IMMP2L: variants seen among roughly 807,000 people sequenced by gnomAD.
IMMP2L encodes mitochondrial inner membrane protease subunit 2.
IMMP2L carries 18 observed loss-of-function variants against 19.3 expected under a neutral mutation model. The observed-to-expected ratio is 0.93, with a 90% CI of 0.64 to 1.38. The LOEUF (loss-of-function observed/expected upper bound fraction) is 1.38. Ranked by LOEUF, IMMP2L falls within the 40% of genes most tolerant of loss-of-function variation. The pLI is 0.00. For missense variants in IMMP2L, 233 were observed against 218.2 expected (o/e 1.07, Z -0.43); for synonymous variants, 76 against 73.0 (o/e 1.04, Z -0.21).
At chr7:111,531,563 CA>C in intron 1 of IMMP2L, among the ~76,000 whole-genome samples, 1 of 152,224 alleles carries the variant, frequency 6.6e-6, no homozygotes, top group East Asian at 1.9e-4. Context: ...TAGCTTTTTA[CA>C]GGAGAAAAAT....
Position 110,870,572 on chromosome 7 carries a change from A to G in IMMP2L, c.408+16021T>C, listed in dbSNP as rs1301363524. 6.6e-6 allele frequency among the ~76,000 whole-genome samples: 1 copy of G among 152,108 alleles called. No homozygotes were observed. The highest frequency in any genetic ancestry group is 1.5e-5 in the Non-Finnish European group (1 of 68,002). On this transcript the variant is annotated intron_variant, in intron 5 of 5. Coordinates refer to ENST00000405709, the MANE Select transcript of IMMP2L (RefSeq NM_032549.4). The surrounding 1 kb of genome is among the most constrained non-coding windows in gnomAD (Gnocchi z 4.2). ...TGTGAGTGTGTGTGTGTGCACGCGC[A>G]TGTGTGCGTGTGTTCCATTTTGTTA...
At chr7:111,208,210 A>G (rs368490293) in intron 3 of IMMP2L, among the ~76,000 whole-genome samples, 3 of 152,294 alleles carry the variant, frequency 2.0e-5, no homozygotes, top group East Asian at 3.9e-4. Context: ...ATATGTTGCT[A>G]TTTTAACAAC....
intron 3 of IMMP2L, among the ~76,000 whole-genome samples, chr7:111,133,658 C>T (rs1425164371): frequency 1.3e-5 from 2 of 151,936 alleles, no homozygotes; most frequent in African/African-American, 4.8e-5. Context: ...TATAAGGGTA[C>T]AAAGATTCGT....
At chr7:111,228,966 C>CGTGTGT (rs10530563) in intron 3 of IMMP2L, among the ~76,000 whole-genome samples, 79 of 144,050 alleles carry the variant, frequency 5.5e-4, no homozygotes, top group African/African-American at 9.7e-4. Flanking sequence ...ACTAGCAATG[C>CGTGTGT]GTGTGTGTGT....
chr7:111,391,740 C>T, intron 3 of IMMP2L: 1 of 586,240 alleles, frequency 1.7e-6, no homozygotes. Context: ...CAGCCTTATA[C>T]AATCAGAAAA....
chr7:111,242,079 T>G (rs1815128482), intron 3 of IMMP2L, among the ~76,000 whole-genome samples: 1 of 152,092 alleles, frequency 6.6e-6, no homozygotes, highest in Non-Finnish European at 1.5e-5. Flanking sequence ...TAGAAGTGAT[T>G]TTTTTAATGA....
intron 3 of IMMP2L, among the ~76,000 whole-genome samples, chr7:110,966,834 C>T (rs1761028196): frequency 6.6e-6 from 1 of 152,008 alleles, no homozygotes; most frequent in Admixed American, 6.6e-5. Context: ...TACAGATTTA[C>T]ATCATGAAAC....
intron 3 of IMMP2L, among the ~76,000 whole-genome samples, chr7:110,992,623 T>C (rs1822597932): frequency 6.6e-6 from 1 of 151,678 alleles, no homozygotes; most frequent in Non-Finnish European, 1.5e-5. Flanking sequence ...AAAATATTTA[T>C]ATAAATATAA....
intron 3 of IMMP2L, among the ~76,000 whole-genome samples, chr7:111,003,455 A>C (rs140780795): frequency 6.6e-6 from 1 of 152,182 alleles, no homozygotes; most frequent in Non-Finnish European, 1.5e-5. Flanking sequence ...AAAGTACTAC[A>C]CGAATAAAAA....
chr7:111,410,518 T>C (rs1389137075), intron 3 of IMMP2L, among the ~76,000 whole-genome samples: 3 of 149,522 alleles, frequency 2.0e-5, no homozygotes, highest in Non-Finnish European at 4.4e-5. Flanking sequence ...TGCCTAACAG[T>C]GAAAAAAAAA....
chr7:110,828,599 A>G (rs779326099), intron 5 of IMMP2L, among the ~76,000 whole-genome samples: 8 of 152,304 alleles, frequency 5.3e-5, no homozygotes, highest in Non-Finnish European at 1.2e-4. Context: ...CTGGCAAAAA[A>G]TAAATGTGAC....
intron 5 of IMMP2L, among the ~76,000 whole-genome samples, chr7:110,681,053 T>TA (rs56082024): frequency 0.036 from 5,218 of 146,924 alleles, 296 homozygotes; most frequent in African/African-American, 0.12. Context: ...TAGTAAGGAT[T>TA]AAAAAAAAAA....
At chr7:111,437,144 C>A (rs1051217017) in intron 3 of IMMP2L, among the ~76,000 whole-genome samples, 2 of 151,640 alleles carry the variant, frequency 1.3e-5, no homozygotes, top group South Asian at 2.1e-4. Flanking sequence ...CAAAATATAT[C>A]TTTAAAAAAA....
intron 5 of IMMP2L, among the ~76,000 whole-genome samples, chr7:110,705,810 G>T (rs1017601302): frequency 1.2e-4 from 18 of 151,916 alleles, no homozygotes; most frequent in African/African-American, 3.9e-4. Flanking sequence ...GTGAGAACAG[G>T]CGATATTTGG....
At chr7:111,451,365 T>C (rs1325601169) in intron 3 of IMMP2L, among the ~76,000 whole-genome samples, 2 of 150,942 alleles carry the variant, frequency 1.3e-5, no homozygotes, top group South Asian at 2.1e-4. Flanking sequence ...ATATACACCA[T>C]GGAATACTAT....
At chr7:111,506,105 C>T (rs997549939) in intron 2 of IMMP2L, among the ~76,000 whole-genome samples, 3 of 151,614 alleles carry the variant, frequency 2.0e-5, no homozygotes, top group African/African-American at 7.3e-5. Context: ...CCTCCACACA[C>T]AAAAATTTTA....
intron 5 of IMMP2L, among the ~76,000 whole-genome samples, chr7:110,791,405 G>C (rs1422903447): frequency 1.3e-5 from 2 of 151,442 alleles, no homozygotes; most frequent in African/African-American, 4.9e-5. Context: ...AAAATATTTT[G>C]CCAGGGATTT....
intron 5 of IMMP2L, among the ~76,000 whole-genome samples, chr7:110,699,437 AG>A (rs1205848918): frequency 6.6e-6 from 1 of 152,160 alleles, no homozygotes; most frequent in Non-Finnish European, 1.5e-5. Context: ...CCTTGAGTAC[AG>A]GTAGAACCTG....
At chr7:110,669,027 A>ATGTG (rs1157990003) in intron 5 of IMMP2L, among the ~76,000 whole-genome samples, 3 of 18,030 alleles carry the variant, frequency 1.7e-4, no homozygotes, top group East Asian at 8.8e-3. Context: ...AACCAACAGT[A>ATGTG]TGTGTGTGTG....
Sources: allele counts gnomAD v4.1 joint callset (sites outside exome capture counted in the v4.1 genomes callset), GRCh38; gene constraint gnomAD v4.1.1; non-coding constraint Gnocchi (gnomAD v3.1); transcripts MANE v1.5; gene names NCBI Gene and HGNC (gene_info 2026-07-23, HGNC 2026-07-21).